The following TRPM3 variants were observed in gnomAD, a reference collection of about 807,000 sequenced individuals.
TRPM3 encodes long transient receptor potential channel 3.
A neutral mutation model predicts 181.2 loss-of-function variants in TRPM3; 77 were observed. The observed-to-expected ratio is 0.42, with a 90% CI of 0.35 to 0.51. The LOEUF (loss-of-function observed/expected upper bound fraction) is 0.51, where lower values mean the gene tolerates loss of function less well. Among genes scored for constraint, TRPM3 ranks in the 20% least tolerant of loss-of-function variants. The pLI, the probability that TRPM3 is intolerant of heterozygous loss-of-function variation, is 0.01. For missense variants in TRPM3, 1,759 were observed against 2,196.7 expected, an observed-to-expected ratio of 0.80 and a Z score of 3.98; for synonymous variants, 745 against 796.4, an observed-to-expected ratio of 0.94 and a Z score of 1.09.
chr9:70,532,368 A>G lies in TRPM3; in HGVS notation c.*3585T>C, dbSNP rs1284852900. The G allele has an allele frequency of 1.3e-5, 2 of 152,178 alleles. No homozygotes were observed. Among genetic ancestry groups the G allele is most frequent in the African/African-American group, 2.4e-5 (1 of 41,450 alleles). 9.4% of individuals were successfully genotyped at this position (152,178 alleles called of 1,614,324 possible). On this transcript the variant is annotated 3_prime_UTR_variant, in exon 26 of 26. Transcript: ENST00000677713. ...ATTTTTCTCGTTTGATTATTCTTATATATATATTTTAAAAGGGGAACTTTC... is the reference window on the plus strand; with the variant it reads ...ATTTTTCTCGTTTGATTATTCTTATGTATATATTTTAAAAGGGGAACTTTC...
At chr9:70,826,076 C>T (rs2131660004) in intron 6 of TRPM3, 1 of 152,364 alleles carries the variant, frequency 6.6e-6, no homozygotes, top group African/African-American at 2.4e-5. Flanking sequence ...CTGAACTTGA[C>T]CCTGAATTTA....
chr9:70,974,906 C>T (rs574041846), intron 1 of TRPM3, among the ~76,000 whole-genome samples: 4 of 130,216 alleles, frequency 3.1e-5, no homozygotes, highest in East Asian at 2.4e-4. Context: ...TGCTCTGTCA[C>T]GCCCAGGCTG....
At chr9:71,236,144 C>CAGGG (rs1741033937) in intron 1 of TRPM3, among the ~76,000 whole-genome samples, 1 of 152,154 alleles carries the variant, frequency 6.6e-6, no homozygotes, top group African/African-American at 2.4e-5. Flanking sequence ...TAACTGTCTC[C>CAGGG]ATTCTCAAAT....
chr9:71,385,712 T>G (rs1020222721), intron 1 of TRPM3, among the ~76,000 whole-genome samples: 1 of 152,192 alleles, frequency 6.6e-6, no homozygotes, highest in African/African-American at 2.4e-5. Context: ...ATTTTATTTT[T>G]TATTCATTTT....
Position 71,097,707 on chromosome 9 carries a change from A to G in TRPM3, c.177+23471T>C, listed in dbSNP as rs547592014. Reference sequence around the variant, plus strand: ...ATAAATTGAATTCCAAGTGCTCAACAGTGCCATACAGAAGAGAGATGATTA... The same window carrying G: ...ATAAATTGAATTCCAAGTGCTCAACGGTGCCATACAGAAGAGAGATGATTA... On this transcript the variant is annotated intron_variant, in intron 1 of 25. Coordinates refer to ENST00000677713, the MANE Select transcript of TRPM3 (RefSeq NM_001366145.2). Among the ~76,000 whole-genome samples the G allele has an allele frequency of 5.3e-5, 8 of 152,278 alleles. No individual in the cohort carries two copies. The East Asian group carries it at 1.4e-3, about 26-fold the overall frequency.
chr9:70,805,611 AT>A (rs1473007604), intron 6 of TRPM3, among the ~76,000 whole-genome samples: 1 of 149,662 alleles, frequency 6.7e-6, no homozygotes, highest in Admixed American at 6.7e-5. Context: ...AATTGGGTTT[AT>A]TTGAATAAAA....
chr9:71,124,663 C>T (rs1478343351), upstream of TRPM3, among the ~76,000 whole-genome samples: 1 of 152,124 alleles, frequency 6.6e-6, no homozygotes, highest in Admixed American at 6.5e-5. Flanking sequence ...ACTGACAAGG[C>T]GGCCATTGTA....
At chr9:70,926,626 G>T (rs1033558543) in intron 1 of TRPM3, among the ~76,000 whole-genome samples, 1 of 152,028 alleles carries the variant, frequency 6.6e-6, no homozygotes, top group Admixed American at 6.6e-5. Flanking sequence ...TCCCAGTCTT[G>T]GCTATCGATT....
chr9:70,540,147 T>C (rs2042907407), intron 25 of TRPM3, among the ~76,000 whole-genome samples: 2 of 152,222 alleles, frequency 1.3e-5, no homozygotes, highest in Admixed American at 6.5e-5. Flanking sequence ...CAATAAACTT[T>C]GTTAAGTGTA....
intron 10 of TRPM3, among the ~76,000 whole-genome samples, chr9:70,640,341 T>C (rs370335630): frequency 6.6e-6 from 1 of 152,206 alleles, no homozygotes. Flanking sequence ...CTCATAGAGA[T>C]GGAAATATTT....
chr9:71,023,760 T>C (rs1480486704), intron 1 of TRPM3, among the ~76,000 whole-genome samples: 1 of 151,968 alleles, frequency 6.6e-6, no homozygotes, highest in African/African-American at 2.4e-5. Flanking sequence ...TCATTTATAT[T>C]AAACATTTGG....
intron 1 of TRPM3, among the ~76,000 whole-genome samples, chr9:71,172,444 C>T (rs1275207053): frequency 9.2e-5 from 14 of 151,896 alleles, no homozygotes; most frequent in Admixed American, 9.2e-4. Flanking sequence ...CTTGCTCTTT[C>T]ACCCAAGCTG....
intron 1 of TRPM3, among the ~76,000 whole-genome samples, chr9:71,336,911 T>C (rs1327648575): frequency 6.6e-6 from 1 of 152,160 alleles, no homozygotes; most frequent in African/African-American, 2.4e-5. Flanking sequence ...TGCAGAAAAC[T>C]GGAACTGGAC....
intron 1 of TRPM3, among the ~76,000 whole-genome samples, chr9:71,345,507 G>T (rs143605831): frequency 6.6e-6 from 1 of 151,844 alleles, no homozygotes; most frequent in Non-Finnish European, 1.5e-5. Flanking sequence ...ACCAAACACC[G>T]CATATTCTCA....
intron 1 of TRPM3, among the ~76,000 whole-genome samples, chr9:71,346,378 G>A (rs1238265579): frequency 6.6e-6 from 1 of 152,026 alleles, no homozygotes. Context: ...CTGTGTCCTG[G>A]GTTTTAGGAG....
intron 5 of TRPM3, among the ~76,000 whole-genome samples, chr9:70,839,271 G>GA (rs2094502433): frequency 6.6e-6 from 1 of 152,116 alleles, no homozygotes; most frequent in Non-Finnish European, 1.5e-5. Context: ...GCTCTAAGTT[G>GA]GGTTCTGAGA....
intron 1 of TRPM3, among the ~76,000 whole-genome samples, chr9:71,042,664 T>C (rs2058966004): frequency 6.6e-6 from 1 of 152,218 alleles, no homozygotes; most frequent in Admixed American, 6.5e-5. Flanking sequence ...GTTCTGAAGT[T>C]GACTTCTAAT....
At chr9:71,279,042 AATAAAAAT>A (rs1432096611) in intron 1 of TRPM3, among the ~76,000 whole-genome samples, 1 of 125,498 alleles carries the variant, frequency 8.0e-6, no homozygotes, top group African/African-American at 4.0e-5. Flanking sequence ...GGTTAAAAAA[AATAAAAAT>A]AAAAATAAAA....
intron 1 of TRPM3, among the ~76,000 whole-genome samples, chr9:71,391,193 A>G (rs2093054083): frequency 6.6e-6 from 1 of 152,028 alleles, no homozygotes; most frequent in Non-Finnish European, 1.5e-5. Context: ...TATCCTTGAA[A>G]TCTTTTACAT....
Sources: gnomAD v4.1 joint callset for allele counts (sites outside exome capture counted in the v4.1 genomes callset) on GRCh38, gnomAD v4.1.1 for gene constraint, MANE v1.5 for transcripts, NCBI Gene and HGNC (gene_info 2026-07-23, HGNC 2026-07-21) for gene names.